The following ADAMTS12 variants were observed in gnomAD, a reference collection of about 807,000 sequenced individuals.
The protein encoded by ADAMTS12 is ADAM metallopeptidase with thrombospondin type 1 motif 12, also known as A disintegrin and metalloproteinase with thrombospondin motifs 12.
In ADAMTS12, 118 loss-of-function variants were observed where a neutral mutation model predicts 167.8. The ratio of observed to expected loss-of-function variants is 0.70; its 90% CI spans 0.61 to 0.82. The LOEUF is 0.82. Among genes scored for constraint, ADAMTS12 ranks in the 40% least tolerant of loss-of-function variants. The pLI is 0.00. For missense variants in ADAMTS12, 1,916 were observed against 1,998.8 expected (o/e 0.96, Z 0.79); for synonymous variants, 704 against 716.9 (o/e 0.98, Z 0.29).
chr5:33,879,263 T>C (rs1200447365), intron 2 of ADAMTS12, among the ~76,000 whole-genome samples: 1 of 151,868 alleles, frequency 6.6e-6, no homozygotes, highest in Admixed American at 6.6e-5. Flanking sequence ...GTGCAGCCCA[T>C]GGGTTTGTCT....
chr5:33,776,603 C>T (rs141412978), intron 2 of ADAMTS12, among the ~76,000 whole-genome samples: 7 of 152,042 alleles, frequency 4.6e-5, no homozygotes, highest in South Asian at 2.1e-4. Flanking sequence ...TAGCAATAAA[C>T]GCCTCCATTA....
At chr5:33,787,903 T>C (rs1290547268) in intron 2 of ADAMTS12, among the ~76,000 whole-genome samples, 1 of 152,206 alleles carries the variant, frequency 6.6e-6, no homozygotes, top group Non-Finnish European at 1.5e-5. Flanking sequence ...GCATCTACCA[T>C]GTGTGAGGGA....
Position 33,648,937 on chromosome 5 carries a change from A to C in ADAMTS12, c.1364T>G (p.Ile455Arg). The change falls in exon 9 of 24, where the codon ATA becomes AGA. Residue 455 changes from isoleucine to arginine, a missense_variant. Transcript: ENST00000504830. Reference protein sequence around the residue: ...DRGWGFCLDDIPKKKGLKSKV... With the variant: ...DRGWGFCLDDRPKKKGLKSKV... ...GGACTTCAAGCCTTTCTTTTTAGGT[A>C]TGTCATCAAGACAGAACCCCCAGCC... 2 of 1,614,044 alleles carry C rather than the reference A, an allele frequency of 1.2e-6. No homozygotes were observed. The highest frequency in any genetic ancestry group is 1.7e-6 in the Non-Finnish European group (2 of 1,179,950).
intron 2 of ADAMTS12, among the ~76,000 whole-genome samples, chr5:33,853,053 G>A (rs567907619): frequency 1.1e-4 from 17 of 152,292 alleles, no homozygotes; most frequent in African/African-American, 4.1e-4. Context: ...ACTGCTGTCA[G>A]CAGCCCTGTC....
At position 33,782,016 on chromosome 5, in the gene ADAMTS12, A is replaced by G. The variant is rs192986443; in HGVS notation, c.490-30468T>C. ...GCTCAGCTGAATTATGGCTTCCTGT[A>G]TCTATACCTTAACCTCATCTTGAAT... On this transcript the variant is annotated intron_variant, in intron 2 of 23. Coordinates refer to ENST00000504830, the MANE Select transcript of ADAMTS12 (RefSeq NM_030955.4). Among the ~76,000 whole-genome samples the G allele has an allele frequency of 2.4e-3, 358 of 152,194 alleles. 1 individual carries two copies. The highest frequency in any genetic ancestry group is 8.3e-3 in the African/African-American group (345 of 41,526).
intron 16 of ADAMTS12, 82 bp downstream of exon 16, chr5:33,614,156 C>T (rs958663525): frequency 7.2e-6 from 11 of 1,528,602 alleles, no homozygotes; most frequent in Admixed American, 3.7e-5. Context: ...GCAGAGAGCA[C>T]AAAGCAAATC....
chr5:33,881,082 C>T (rs1750419191), intron 2 of ADAMTS12, 37 bp downstream of exon 2: 2 of 1,599,548 alleles, frequency 1.3e-6, no homozygotes, highest in Non-Finnish European at 1.7e-6. Flanking sequence ...CTCTAGGGGC[C>T]AGGGCAGAGG....
At chr5:33,651,498 G>C (rs1052993928) in intron 7 of ADAMTS12, among the ~76,000 whole-genome samples, 1 of 152,098 alleles carries the variant, frequency 6.6e-6, no homozygotes, top group Non-Finnish European at 1.5e-5. Flanking sequence ...TGTCTTCTTG[G>C]GATATTGTTT....
intron 2 of ADAMTS12, among the ~76,000 whole-genome samples, chr5:33,808,430 G>A (rs535998626): frequency 2.0e-5 from 3 of 152,294 alleles, no homozygotes; most frequent in East Asian, 1.9e-4. Context: ...ACAAAAACAG[G>A]AGATTCTAAT....
At chr5:33,855,118 A>G (rs1749352867) in intron 2 of ADAMTS12, among the ~76,000 whole-genome samples, 1 of 152,246 alleles carries the variant, frequency 6.6e-6, no homozygotes, top group South Asian at 2.1e-4. Context: ...ACAGCATTCA[A>G]GAACAAGAGG....
intron 2 of ADAMTS12, among the ~76,000 whole-genome samples, chr5:33,772,130 T>G (rs1223148543): frequency 6.6e-6 from 1 of 151,742 alleles, no homozygotes; most frequent in Non-Finnish European, 1.5e-5. Flanking sequence ...GTGCTGGGAT[T>G]ACAGGCATGA....
intron 2 of ADAMTS12, among the ~76,000 whole-genome samples, chr5:33,860,582 A>G (rs1749572699): frequency 6.6e-6 from 1 of 152,188 alleles, no homozygotes; most frequent in Non-Finnish European, 1.5e-5. Context: ...CAAGTTGGAA[A>G]ACACACTTCA....
At chr5:33,815,201 G>A (rs557406193) in intron 2 of ADAMTS12, among the ~76,000 whole-genome samples, 1 of 152,188 alleles carries the variant, frequency 6.6e-6, no homozygotes, top group Admixed American at 6.5e-5. Context: ...TCTGGGTCTT[G>A]GAGACTGGTG....
chr5:33,564,769 G>C (rs1157749271), intron 19 of ADAMTS12, among the ~76,000 whole-genome samples: 1 of 152,152 alleles, frequency 6.6e-6, no homozygotes, highest in African/African-American at 2.4e-5. Flanking sequence ...GACATTCAAT[G>C]CTAGTTGCCG....
intron 23 of ADAMTS12, among the ~76,000 whole-genome samples, chr5:33,530,177 C>T (rs1170638333): frequency 2.0e-5 from 3 of 152,114 alleles, no homozygotes; most frequent in African/African-American, 7.2e-5. Context: ...CTGCCTGCCT[C>T]GGCCTCCCAA....
At chr5:33,568,722 G>T (rs1227429060) in intron 19 of ADAMTS12, among the ~76,000 whole-genome samples, 1 of 152,250 alleles carries the variant, frequency 6.6e-6, no homozygotes, top group Non-Finnish European at 1.5e-5. Context: ...CATCTCACTA[G>T]GGAGTGCCAG....
intron 14 of ADAMTS12, among the ~76,000 whole-genome samples, chr5:33,617,170 G>C (rs1464228930): frequency 6.6e-6 from 1 of 151,692 alleles, no homozygotes; most frequent in East Asian, 1.9e-4. Flanking sequence ...CTCTAATAGT[G>C]AGTGATTTTT....
intron 18 of ADAMTS12, among the ~76,000 whole-genome samples, chr5:33,582,660 T>G (rs1246597620): frequency 6.6e-6 from 1 of 152,226 alleles, no homozygotes. Context: ...GTGAATGTTT[T>G]GTTTGTGTGT....
intron 3 of ADAMTS12, among the ~76,000 whole-genome samples, chr5:33,724,714 G>C (rs1743918415): frequency 1.3e-5 from 2 of 152,038 alleles, no homozygotes. Context: ...ACCGTGCCCG[G>C]CTAATTTTTT....
Sources: allele counts gnomAD v4.1 joint callset (sites outside exome capture counted in the v4.1 genomes callset), GRCh38; gene constraint gnomAD v4.1.1; transcripts MANE v1.5; gene names NCBI Gene and HGNC (gene_info 2026-07-23, HGNC 2026-07-21).